The following RABGEF1 variants were observed in gnomAD, a reference collection of about 807,000 sequenced individuals.
The protein encoded by RABGEF1 is rab5 GDP/GTP exchange factor.
RABGEF1 carries 26 observed loss-of-function variants against 57.3 expected under a neutral mutation model. The observed-to-expected ratio is 0.45, with a 90% confidence interval of 0.33 to 0.63. The LOEUF (loss-of-function observed/expected upper bound fraction) is 0.63, where lower values mean the gene tolerates loss of function less well. Ranked by LOEUF, RABGEF1 falls within the 20% of genes least tolerant of loss-of-function variation. The pLI is 0.02. For synonymous variants in RABGEF1, 185 were observed against 210.7 expected (o/e 0.88, Z 1.06); for missense variants, 464 against 607.6 (o/e 0.76, Z 2.48).
intron 1 of RABGEF1, among the ~76,000 whole-genome samples, chr7:66,760,442 A>ACTTTTT (rs1804000466): frequency 7.9e-6 from 1 of 126,156 alleles, no homozygotes; most frequent in East Asian, 2.3e-4. Context: ...GTTAGCATGT[A>ACTTTTT]TTTTTTTTTT....
intron 1 of RABGEF1, among the ~76,000 whole-genome samples, chr7:66,761,825 C>T (rs1804449541): frequency 6.6e-6 from 1 of 152,078 alleles, no homozygotes; most frequent in Admixed American, 6.6e-5. Context: ...TTGAGGTAGG[C>T]AGGTCACTTG....
chr7:66,721,468 C>T (rs1159687019), intron 2 of RABGEF1, among the ~76,000 whole-genome samples: 3 of 152,162 alleles, frequency 2.0e-5, no homozygotes, highest in Non-Finnish European at 4.4e-5. Context: ...TAGGTGCTGC[C>T]TGAGTTCCTT....
At chr7:66,768,768 C>T (rs1000267467) in intron 1 of RABGEF1, 2 of 152,156 alleles carry the variant, frequency 1.3e-5, no homozygotes, top group African/African-American at 4.8e-5. Flanking sequence ...CTTGAGTTCT[C>T]CTCAGCAATT....
the RABGEF1 span, among the ~76,000 whole-genome samples, chr7:66,674,071 C>T: frequency 6.6e-6 from 1 of 152,196 alleles, no homozygotes; most frequent in Non-Finnish European, 1.5e-5. Flanking sequence ...AACTCTTCTG[C>T]ATTGCTGTTG....
intron 2 of RABGEF1, among the ~76,000 whole-genome samples, chr7:66,731,472 T>G (rs993769765): frequency 4.6e-5 from 7 of 152,048 alleles, no homozygotes; most frequent in East Asian, 1.9e-4. Context: ...ATCTCAGCAG[T>G]TTGGGAGGCC....
chr7:66,802,500 A>G (rs1219301992), intron 7 of RABGEF1, among the ~76,000 whole-genome samples: 3 of 152,234 alleles, frequency 2.0e-5, no homozygotes, highest in Non-Finnish European at 4.4e-5. Flanking sequence ...GCAATTATGC[A>G]GGGCTCTGAA....
intron 1 of RABGEF1, among the ~76,000 whole-genome samples, chr7:66,752,904 C>T (rs1470900520): frequency 6.6e-6 from 1 of 152,224 alleles, no homozygotes. Context: ...AGAACACTGT[C>T]TCTGCAGGTA....
chr7:66,734,305 G>A (rs1201540435), intron 2 of RABGEF1, among the ~76,000 whole-genome samples: 1 of 152,148 alleles, frequency 6.6e-6, no homozygotes, highest in Non-Finnish European at 1.5e-5. Context: ...CTCTGGGGCA[G>A]CCTAGAGCAT....
the RABGEF1 span, among the ~76,000 whole-genome samples, chr7:66,661,284 G>C: frequency 3.1e-3 from 342 of 111,398 alleles, 5 homozygotes; most frequent in Non-Finnish European, 4.3e-3. Context: ...GGGTGACAAA[G>C]TGAGACTCCA....
chr7:66,752,690 G>T (rs1054140561), intron 1 of RABGEF1, among the ~76,000 whole-genome samples: 1 of 152,126 alleles, frequency 6.6e-6, no homozygotes, highest in Admixed American at 6.5e-5. Flanking sequence ...TGTTAAATTC[G>T]AATTCTCAGG....
In RABGEF1 at chr7:66,685,218, G is replaced by A. The variant is rs368901326; in HGVS notation, c.-873+2960G>A. On this transcript the variant is annotated intron_variant and NMD_transcript_variant, in intron 1 of 9. Transcript: ENST00000607882. The stretch of plus-strand genomic sequence containing the variant: ...TCGCTGGGCTAGAGTGCAGTGGTTT[G>A]ATCTTGGCCACTACAACCTCCACCT... Among the ~76,000 whole-genome samples, 26 of 116,868 alleles carry A rather than the reference G, an allele frequency of 2.2e-4. No individual in the cohort carries two copies. In the East Asian group the frequency reaches 6.4e-3, roughly 29 times the overall value. 76.7% of individuals were successfully genotyped at this position (116,868 alleles called of 152,430 possible).
chr7:66,721,049 G>A (rs917354541), intron 2 of RABGEF1, among the ~76,000 whole-genome samples: 13 of 152,048 alleles, frequency 8.5e-5, no homozygotes, highest in African/African-American at 3.1e-4. Context: ...CTCCAGAGTA[G>A]CTAGGATCAC....
At chr7:66,716,159 T>C (rs1213894238) in intron 2 of RABGEF1, among the ~76,000 whole-genome samples, 1 of 152,236 alleles carries the variant, frequency 6.6e-6, no homozygotes, top group East Asian at 1.9e-4. Context: ...TTTACCATTA[T>C]GTAATGTCCC....
rs1395096999 is a variant in RABGEF1, at chr7:66,809,465, C to T, written c.*181C>T. On this transcript the variant is annotated 3_prime_UTR_variant, in exon 9 of 9. Coordinates refer to ENST00000284957, the MANE Select transcript of RABGEF1 (RefSeq NM_014504.3). The stretch of plus-strand genomic sequence containing the variant: ...GGGAACCTTAGTTAATAATAAAATA[C>T]TACTTATTTGAGTTACTGATACAGA... The T allele has an allele frequency of 2.7e-5, 16 of 591,052 alleles. No homozygotes were observed. Among genetic ancestry groups the T allele is most frequent in the Admixed American group, 7.4e-5 (2 of 26,948 alleles). 36.6% of individuals were successfully genotyped at this position (591,052 alleles called of 1,614,324 possible). A position where few individuals can be genotyped will look rare whatever the true frequency, so the allele number is the denominator to read the frequency against.
intron 2 of RABGEF1, among the ~76,000 whole-genome samples, chr7:66,724,539 T>C (rs1049526984): frequency 7.2e-5 from 11 of 152,146 alleles, no homozygotes; most frequent in African/African-American, 2.2e-4. Flanking sequence ...TTTGTATTTT[T>C]AGTAGAGACA....
intron 1 of RABGEF1, among the ~76,000 whole-genome samples, chr7:66,696,161 G>A (rs1423936556): frequency 6.6e-6 from 1 of 152,024 alleles, no homozygotes; most frequent in Non-Finnish European, 1.5e-5. Flanking sequence ...AAACTCCTGG[G>A]CTCAAGCTAT....
intron 1 of RABGEF1, among the ~76,000 whole-genome samples, chr7:66,694,224 C>T (rs1260847403): frequency 6.6e-6 from 1 of 152,198 alleles, no homozygotes; most frequent in Admixed American, 6.5e-5. Flanking sequence ...CGTGGGGCAG[C>T]GGTGGCATCT....
At chr7:66,711,881 C>G (rs1409754816) in intron 1 of RABGEF1, among the ~76,000 whole-genome samples, 1 of 152,090 alleles carries the variant, frequency 6.6e-6, no homozygotes, top group Non-Finnish European at 1.5e-5. Flanking sequence ...CCACTGCACC[C>G]GGACTGTATA....
At chr7:66,699,596 G>T (rs1162354691) in intron 1 of RABGEF1, among the ~76,000 whole-genome samples, 1 of 152,092 alleles carries the variant, frequency 6.6e-6, no homozygotes, top group African/African-American at 2.4e-5. Context: ...GGAGGCTGAG[G>T]CAGAAGAATC....
Sources: allele counts gnomAD v4.1 joint callset (sites outside exome capture counted in the v4.1 genomes callset), GRCh38; gene constraint gnomAD v4.1.1; transcripts MANE v1.5; gene names NCBI Gene and HGNC (gene_info 2026-07-23, HGNC 2026-07-21).